Variants in LPIN1 observed in about 807,000 individuals in gnomAD.
LPIN1 encodes the protein lipin 1, also known as phosphatidate phosphatase LPIN1.
LPIN1 carries 71 observed loss-of-function variants against 107.5 expected under a neutral mutation model. The ratio of observed to expected loss-of-function variants is 0.66; its 90% CI spans 0.55 to 0.80. The LOEUF is 0.80. Ranked by LOEUF, LPIN1 falls within the 30% of genes least tolerant of loss-of-function variation. The pLI, the probability that LPIN1 is intolerant of heterozygous loss-of-function variation, is 0.00. For synonymous variants in LPIN1, 445 were observed against 452.6 expected, an observed-to-expected ratio of 0.98 and a Z score of 0.21; for missense variants, 1,043 against 1,160.6, an observed-to-expected ratio of 0.90 and a Z score of 1.47.
chr2:11,713,746 TG>T, intron 1 of LPIN1: 1 of 1,472,798 alleles, frequency 6.8e-7, no homozygotes, highest in Non-Finnish European at 9.2e-7. Flanking sequence ...CTAATGTTTT[TG>T]TTTTTCAGAT....
At chr2:11,741,267 T>C in intron 1 of LPIN1, 1 of 977,466 alleles carries the variant, frequency 1.0e-6, no homozygotes, top group South Asian at 1.7e-5. Context: ...CTGTAGAATG[T>C]GAGGATGGCC....
chr2:11,783,721 C>T (rs945084857), intron 8 of LPIN1, 108 bp from the exon 9 acceptor site: 12 of 931,516 alleles, frequency 1.3e-5, no homozygotes, highest in Middle Eastern at 2.1e-4. Context: ...GTTTGAGTAC[C>T]TGGGAGCAAA....
At chr2:11,767,732 C>G (rs1217463099) in intron 2 of LPIN1, 31 bp from the exon 3 acceptor site, 9 of 1,429,500 alleles carry the variant, frequency 6.3e-6, no homozygotes, top group Non-Finnish European at 8.9e-6. Flanking sequence ...GAAGGCAGTT[C>G]ATTCTTTTCT....
intron 3 of LPIN1, among the ~76,000 whole-genome samples, chr2:11,770,509 G>C (rs1671670055): frequency 6.6e-6 from 1 of 152,126 alleles, no homozygotes; most frequent in South Asian, 2.1e-4. Context: ...CCAGCAGCCG[G>C]GTGAGATGAC....
intron 1 of LPIN1, among the ~76,000 whole-genome samples, chr2:11,757,986 G>A (rs141475147): frequency 0.029 from 4,427 of 152,214 alleles, 102 homozygotes; most frequent in African/African-American, 0.064. Context: ...GAGTTTGTCT[G>A]TCTAAGGTAG....
At chr2:11,809,544 G>GTAGC (rs1262967479) in intron 17 of LPIN1, among the ~76,000 whole-genome samples, 1 of 152,156 alleles carries the variant, frequency 6.6e-6, no homozygotes, top group Admixed American at 6.5e-5. Flanking sequence ...AGCCTCCCAA[G>GTAGC]TAGCTGGGAT....
intron 1 of LPIN1, among the ~76,000 whole-genome samples, chr2:11,709,163 T>A (rs568109182): frequency 5.9e-5 from 9 of 152,184 alleles, no homozygotes; most frequent in Non-Finnish European, 1.5e-5. Context: ...ATCATCCCTT[T>A]CACCCCATCT....
Position 11,788,682 on chromosome 2 carries a change from G to A in LPIN1, c.1713+226G>A, listed in dbSNP as rs79828866. ...CAAAACCTCCCAATCATGGTCGAGC[G>A]GACCGAAGATTCCTTTCTCAATATC... On this transcript the variant is annotated intron_variant, in intron 12 of 20. Transcript: ENST00000674199. Among the ~76,000 whole-genome samples, 721 of 152,270 alleles carry A rather than the reference G, an allele frequency of 4.7e-3. 13 individuals are homozygous for A. The East Asian group carries it at 0.05, about 11-fold the overall frequency.
At chr2:11,769,705 A>T (rs1225922150) in intron 3 of LPIN1, among the ~76,000 whole-genome samples, 1 of 151,828 alleles carries the variant, frequency 6.6e-6, no homozygotes, top group Admixed American at 6.6e-5. Flanking sequence ...CAAGGTCATG[A>T]TTTATGGTTA....
intron 1 of LPIN1, among the ~76,000 whole-genome samples, chr2:11,728,523 C>A (rs1341759804): frequency 6.6e-6 from 1 of 152,000 alleles, no homozygotes; most frequent in South Asian, 2.1e-4. Flanking sequence ...TAGCTGGGAC[C>A]ACAGATGCAT....
intron 1 of LPIN1, among the ~76,000 whole-genome samples, chr2:11,694,509 G>A (rs7606137): frequency 0.13 from 19,896 of 152,170 alleles, 3,853 homozygotes; most frequent in African/African-American, 0.43. Context: ...TCTGTGTCAC[G>A]TGTTTGCCTG....
chr2:11,788,413 C>T lies in LPIN1; in HGVS notation c.1670C>T (p.Pro557Leu), dbSNP rs765092602. 6.2e-7 allele frequency: 1 copy of T among 1,613,916 alleles called. No individual in the cohort carries two copies. The change falls in exon 12 of 21, where the codon CCC becomes CTC. Residue 557 changes from proline (P) to leucine (L), a missense_variant. Pro to Leu is a moderately conservative substitution (Grantham distance 98, BLOSUM62 -3). Coordinates refer to ENST00000674199, the MANE Select transcript of LPIN1 (RefSeq NM_001349206.2). ...SKYYNWTTAAPLLLAMQAFQK... is the reference protein window; with the variant it reads ...SKYYNWTTAALLLLAMQAFQK... Reference sequence around the variant, plus strand: ...TATTATAACTGGACAACAGCAGCACCCCTCCTCCTGGCAATGCAGGCCTTC... The same window carrying T: ...TATTATAACTGGACAACAGCAGCACTCCTCCTCCTGGCAATGCAGGCCTTC...
chr2:11,767,932 G>T, intron 3 of LPIN1, 74 bp downstream of exon 3: 1 of 977,538 alleles, frequency 1.0e-6, no homozygotes, highest in South Asian at 1.3e-5. Context: ...AAACACGGCA[G>T]AAGTTTGTGC....
chr2:11,733,067 A>C (rs950040227), intron 1 of LPIN1, among the ~76,000 whole-genome samples: 2 of 152,108 alleles, frequency 1.3e-5, no homozygotes, highest in Non-Finnish European at 2.9e-5. Flanking sequence ...CTTCTACCTT[A>C]ACAATTCCAT....
At position 11,795,346 on chromosome 2, in the gene LPIN1, C is replaced by T. The variant is rs191713238; in HGVS notation, c.1807-62C>T. 1.3e-4 allele frequency: 184 copies of T among 1,381,428 alleles called. No individual in the cohort carries two copies. In the African/African-American group the frequency reaches 1.4e-3, roughly 10 times the overall value. 85.6% of individuals were successfully genotyped at this position (1,381,428 alleles called of 1,614,324 possible). A position where few individuals can be genotyped will look rare whatever the true frequency, so the allele number is the denominator to read the frequency against. ...CTTAAGGAAGCCCATGGGAAAACAC[C>T]GGCTGTCTGCAAGCCCCTTCTCTGT... On this transcript the variant is annotated intron_variant, in intron 13 of 20. Transcript: ENST00000674199.
At chr2:11,682,684 A>G (rs890168562) in intron 1 of LPIN1, 2 of 152,074 alleles carry the variant, frequency 1.3e-5, no homozygotes, top group South Asian at 2.1e-4. Flanking sequence ...ATGTCCCAGT[A>G]TGTATTTATC....
intron 6 of LPIN1, 109 bp from the exon 7 acceptor site, chr2:11,779,410 C>G (rs1481533163): frequency 2.3e-5 from 27 of 1,196,128 alleles, no homozygotes; most frequent in Non-Finnish European, 3.1e-5. Context: ...TCAGAGCGAA[C>G]GACAGCTGGG....
intron 12 of LPIN1, 43 bp from the exon 13 acceptor site, chr2:11,791,871 C>CT (rs763970068): frequency 6.2e-7 from 1 of 1,605,356 alleles, no homozygotes; most frequent in Non-Finnish European, 8.5e-7. Flanking sequence ...CTAAGTTGAT[C>CT]TTTTTTTGTT....
chr2:11,797,981 G>A (rs548514972), intron 14 of LPIN1, among the ~76,000 whole-genome samples: 2 of 152,248 alleles, frequency 1.3e-5, no homozygotes, highest in Admixed American at 1.3e-4. Flanking sequence ...GGAGGGAATT[G>A]CATCATGGGG....
Sources: allele counts gnomAD v4.1 joint callset (sites outside exome capture counted in the v4.1 genomes callset), GRCh38; gene constraint gnomAD v4.1.1; transcripts MANE v1.5; gene names NCBI Gene and HGNC (gene_info 2026-07-23, HGNC 2026-07-21).